AFF3: variants seen among roughly 807,000 people sequenced by gnomAD.
AFF3 encodes the protein ALF transcription elongation factor 3, also known as AF4/FMR2 family member 3.
Under a neutral mutation model 129.7 loss-of-function variants are expected in AFF3, and 32 were observed. The ratio of observed to expected loss-of-function variants is 0.25; its 90% CI spans 0.19 to 0.33. The LOEUF is 0.33. Among genes scored for constraint, AFF3 ranks in the 10% least tolerant of loss-of-function variants. The pLI, the probability that AFF3 is intolerant of heterozygous loss-of-function variation, is 1.00. For synonymous variants in AFF3, 644 were observed against 635.4 expected (o/e 1.01, Z -0.20); for missense variants, 1,373 against 1,592.0 (o/e 0.86, Z 2.34).
rs1021359229 is a variant in AFF3 at position 99,947,639 on chromosome 2, G to C, written c.873+58993C>G. Among the ~76,000 whole-genome samples, 53 of 151,712 alleles carry C rather than the reference G, an allele frequency of 3.5e-4. 1 individual carries two copies. Among genetic ancestry groups the C allele is most frequent in the Non-Finnish European group, 6.3e-4 (43 of 67,920 alleles). On this transcript the variant is annotated intron_variant, in intron 7 of 24. Coordinates refer to ENST00000672756, the MANE Select transcript of AFF3 (RefSeq NM_001386135.1). The stretch of plus-strand genomic sequence containing the variant: ...AGATAGATAGATAGATAGATAGATA[G>C]ATAGATAGATAGATAGACAGACAGA...
At chr2:99,812,443 G>T (rs879724295) in intron 8 of AFF3, among the ~76,000 whole-genome samples, 5 of 152,316 alleles carry the variant, frequency 3.3e-5, no homozygotes, top group African/African-American at 4.8e-5. Context: ...AGCAGTACCT[G>T]ATGCAGCAGC....
intron 7 of AFF3, among the ~76,000 whole-genome samples, chr2:99,915,237 C>A (rs1375672606): frequency 6.6e-6 from 1 of 151,794 alleles, no homozygotes. Context: ...CATCTGACAG[C>A]AGTTAACATA....
intron 4 of AFF3, among the ~76,000 whole-genome samples, chr2:100,017,573 C>A (rs1175895096): frequency 6.6e-6 from 1 of 152,138 alleles, no homozygotes. Flanking sequence ...TCACAAAGAC[C>A]CATAGACAAG....
intron 4 of AFF3, among the ~76,000 whole-genome samples, chr2:100,068,900 C>A (rs1029343744): frequency 6.6e-6 from 1 of 152,158 alleles, no homozygotes; most frequent in African/African-American, 2.4e-5. Flanking sequence ...GAGTCCCAAC[C>A]TCAGTTCTAT....
chr2:99,860,726 A>C (rs1350676907), intron 7 of AFF3, among the ~76,000 whole-genome samples: 1 of 151,718 alleles, frequency 6.6e-6, no homozygotes, highest in African/African-American at 2.4e-5. Context: ...ACTCCGTCTC[A>C]AGAAAAAAAA....
chr2:100,131,558 C>G (rs1010214477), intron 1 of AFF3, among the ~76,000 whole-genome samples: 1 of 152,102 alleles, frequency 6.6e-6, no homozygotes, highest in African/African-American at 2.4e-5. Context: ...CTCCCGGGTT[C>G]AAGTGATTCT....
intron 7 of AFF3, among the ~76,000 whole-genome samples, chr2:99,952,040 CCTTT>C (rs1676218763): frequency 6.6e-6 from 1 of 152,200 alleles, no homozygotes; most frequent in South Asian, 2.1e-4. Flanking sequence ...GGTTACTCTC[CCTTT>C]ATTTCAGAAA....
At chr2:99,686,400 C>T (rs138747246) in intron 11 of AFF3, among the ~76,000 whole-genome samples, 2 of 152,348 alleles carry the variant, frequency 1.3e-5, no homozygotes, top group African/African-American at 4.8e-5. Flanking sequence ...AGGACTCATA[C>T]TCCCATGTAG....
At chr2:100,020,377 A>G (rs1683488695) in intron 4 of AFF3, among the ~76,000 whole-genome samples, 2 of 151,818 alleles carry the variant, frequency 1.3e-5, no homozygotes, top group South Asian at 4.2e-4. Context: ...TTTATGGGAG[A>G]TGTCATTCAT....
chr2:99,561,161 AATGTATTAAC>A (rs1675433627), intron 20 of AFF3, among the ~76,000 whole-genome samples: 1 of 152,236 alleles, frequency 6.6e-6, no homozygotes, highest in African/African-American at 2.4e-5. Flanking sequence ...TGCTTAGACA[AATGTATTAAC>A]ATCTTTAAGC....
chr2:99,809,784 C>A (rs1341009234), intron 8 of AFF3, among the ~76,000 whole-genome samples: 1 of 152,212 alleles, frequency 6.6e-6, no homozygotes, highest in Admixed American at 6.5e-5. Flanking sequence ...TGTTAACTTG[C>A]ACACTTCCAT....
At chr2:99,723,213 G>T (rs746114514) in intron 11 of AFF3, among the ~76,000 whole-genome samples, 12 of 152,080 alleles carry the variant, frequency 7.9e-5, no homozygotes, top group Non-Finnish European at 1.8e-4. Flanking sequence ...ATGCTCATAG[G>T]ATCACTAAAT....
intron 4 of AFF3, among the ~76,000 whole-genome samples, chr2:100,079,366 A>T (rs532651144): frequency 5.9e-5 from 9 of 152,320 alleles, no homozygotes; most frequent in African/African-American, 1.9e-4. Context: ...TAGTATCCTG[A>T]ATCTAAAATT....
chr2:99,881,406 C>CAA (rs11367144), intron 7 of AFF3, among the ~76,000 whole-genome samples: 8 of 122,958 alleles, frequency 6.5e-5, no homozygotes, highest in African/African-American at 1.7e-4. Context: ...AGCATCTTTT[C>CAA]AAAAAAAAAA....
intron 13 of AFF3, among the ~76,000 whole-genome samples, chr2:99,638,563 C>G (rs1460200250): frequency 6.6e-6 from 1 of 152,116 alleles, no homozygotes; most frequent in African/African-American, 2.4e-5. Context: ...AGCTGTCCCC[C>G]CGCCCACAGA....
At chr2:99,579,853 T>A (rs1677359682) in intron 17 of AFF3, among the ~76,000 whole-genome samples, 1 of 152,216 alleles carries the variant, frequency 6.6e-6, no homozygotes, top group South Asian at 2.1e-4. Context: ...AACACATGGA[T>A]CATAAAACAA....
intron 2 of AFF3, among the ~76,000 whole-genome samples, chr2:100,116,376 T>A (rs1318565607): frequency 2.6e-5 from 4 of 152,158 alleles, no homozygotes; most frequent in African/African-American, 9.6e-5. Flanking sequence ...GCTGTAAGTC[T>A]ACCATTCGCA....
chr2:99,730,708 T>C (rs1401372720), intron 10 of AFF3, among the ~76,000 whole-genome samples: 3 of 151,780 alleles, frequency 2.0e-5, no homozygotes, highest in Non-Finnish European at 2.9e-5. Flanking sequence ...AGAGACGAGG[T>C]TTCACCATAT....
In AFF3 at chr2:99,545,963, T is replaced by C. The variant is rs537834718; in HGVS notation, c.*5511A>G. On this transcript the variant is annotated 3_prime_UTR_variant, in exon 25 of 25. Coordinates refer to ENST00000672756, the MANE Select transcript of AFF3 (RefSeq NM_001386135.1). Reference sequence around the variant, plus strand: ...ATAATCTGGACAAAGGGAACACAAATCTCAAGTCTGAACATTTCTTGTGCT... The same window carrying C: ...ATAATCTGGACAAAGGGAACACAAACCTCAAGTCTGAACATTTCTTGTGCT... 2.6e-4 allele frequency: 55 copies of C among 214,740 alleles called. No individual in the cohort carries two copies. The highest frequency in any genetic ancestry group is 4.2e-4 in the Non-Finnish European group (45 of 106,386). The allele number at this position is 214,740 out of a possible 1,614,324, so 13.3% of individuals were successfully genotyped here. A position where few individuals can be genotyped will look rare whatever the true frequency, so the allele number is the denominator to read the frequency against.
Sources: gnomAD v4.1 joint callset for allele counts (sites outside exome capture counted in the v4.1 genomes callset) on GRCh38, gnomAD v4.1.1 for gene constraint, MANE v1.5 for transcripts, NCBI Gene and HGNC (gene_info 2026-07-23, HGNC 2026-07-21) for gene names.